The following CHP1 variants were observed in gnomAD, a reference collection of about 807,000 sequenced individuals.
CHP1 encodes calcineurin like EF-hand protein 1, also known as calcineurin B homologous protein 1.
A neutral mutation model predicts 27.4 loss-of-function variants in CHP1; 11 were observed. That is an observed-to-expected ratio of 0.40 (90% CI 0.25 to 0.67). The LOEUF (loss-of-function observed/expected upper bound fraction) is 0.67, where lower values mean the gene tolerates loss of function less well. Ranked by LOEUF, CHP1 falls within the 30% of genes least tolerant of loss-of-function variation. The pLI is 0.38. For synonymous variants in CHP1, 89 were observed against 87.4 expected (o/e 1.02, Z -0.10); for missense variants, 169 against 251.3 (o/e 0.67, Z 2.22).
intron 5 of CHP1, 116 bp from the exon 6 acceptor site, chr15:41,278,651 A>C: frequency 8.1e-7 from 1 of 1,231,422 alleles, no homozygotes; most frequent in East Asian, 2.4e-5. Context: ...GCAGTGCATG[A>C]CTGTATTTGA....
At chr15:41,249,233 GCAGTGGCAC>G (rs1392860511) in intron 2 of CHP1, among the ~76,000 whole-genome samples, 1 of 152,024 alleles carries the variant, frequency 6.6e-6, no homozygotes, top group Non-Finnish European at 1.5e-5. Flanking sequence ...AGGCTTGATT[GCAGTGGCAC>G]CATCACGGCT....
At chr15:41,240,753 CAAAAAAAAAAAAA>C (rs750044405) in intron 1 of CHP1, among the ~76,000 whole-genome samples, 1 of 54,170 alleles carries the variant, frequency 1.8e-5, no homozygotes, top group Non-Finnish European at 4.1e-5. Context: ...AACTCTATCT[CAAAAAAAAAAAAA>C]AAAAAAAGAT....
At chr15:41,274,952 G>A (rs140623096) in intron 5 of CHP1, among the ~76,000 whole-genome samples, 255 of 151,672 alleles carry the variant, frequency 1.7e-3, no homozygotes, top group African/African-American at 5.5e-3. Context: ...TACCATGCCC[G>A]GCTAATTTTT....
intron 2 of CHP1, chr15:41,256,597 T>C (rs1191340718): frequency 9.3e-6 from 3 of 324,262 alleles, no homozygotes; most frequent in Non-Finnish European, 1.7e-5. Flanking sequence ...TACGCAATGC[T>C]AATGTTCAAG....
intron 3 of CHP1, among the ~76,000 whole-genome samples, chr15:41,262,179 G>T (rs780849126): frequency 6.6e-6 from 1 of 151,328 alleles, no homozygotes; most frequent in East Asian, 1.9e-4. Flanking sequence ...AATAAATAAA[G>T]CAAGACTTTA....
chr15:41,272,775 G>A (rs564307504), intron 5 of CHP1, among the ~76,000 whole-genome samples: 4 of 152,210 alleles, frequency 2.6e-5, no homozygotes, highest in South Asian at 2.1e-4. Flanking sequence ...GGGGCCAGGC[G>A]CAGTGGCTCA....
At position 41,278,811 on chromosome 15, in the gene CHP1, G is replaced by A; in HGVS notation, c.456G>A (p.Leu152=). 6.2e-7 allele frequency: 1 copy of A among 1,614,152 alleles called. No individual in the cohort carries two copies. Among genetic ancestry groups the A allele is most frequent in the Non-Finnish European group, 8.5e-7 (1 of 1,180,014 alleles). Residue 152 remains leucine, a synonymous_variant, in exon 6 of 7, where the codon CTG becomes CTA. Transcript: ENST00000334660. The part of the protein sequence containing the change: ...MVGVNISDEQ[L]GSIADRTIQE... ...GAGTAAATATCTCAGATGAGCAGCT[G>A]GGCAGCATCGCAGACAGGACCATTC... is the stretch of plus-strand genomic sequence containing the variant.
At chr15:41,278,550 T>A (rs1416195395) in intron 5 of CHP1, among the ~76,000 whole-genome samples, 2 of 152,152 alleles carry the variant, frequency 1.3e-5, no homozygotes, top group East Asian at 3.9e-4. Flanking sequence ...TTCCCCTTTT[T>A]GTGTCTATGT....
intron 1 of CHP1, 85 bp downstream of exon 1, chr15:41,231,534 G>C: frequency 4.4e-6 from 6 of 1,353,188 alleles, no homozygotes; most frequent in Middle Eastern, 1.9e-4. Context: ...TCTGGAGCTC[G>C]GGTGCCTGTG....
At chr15:41,264,637 G>A (rs182509407) in intron 4 of CHP1, among the ~76,000 whole-genome samples, 4 of 152,176 alleles carry the variant, frequency 2.6e-5, no homozygotes, top group Admixed American at 1.3e-4. Flanking sequence ...TAGGGACAGG[G>A]TCTCACTATG....
At chr15:41,271,852 T>C (rs143693473) in intron 5 of CHP1, among the ~76,000 whole-genome samples, 1 of 152,362 alleles carries the variant, frequency 6.6e-6, no homozygotes, top group Non-Finnish European at 1.5e-5. Context: ...GAGAAGCGTT[T>C]ATTTTCTTGA....
chr15:41,244,250 T>C (rs1043875427), intron 2 of CHP1, among the ~76,000 whole-genome samples: 2 of 151,732 alleles, frequency 1.3e-5, no homozygotes, highest in Non-Finnish European at 2.9e-5. Flanking sequence ...TTAACAGATG[T>C]GTGTTGCTTT....
At chr15:41,270,664 T>C (rs375708824) in intron 5 of CHP1, 46 bp downstream of exon 5, 16 of 1,409,646 alleles carry the variant, frequency 1.1e-5, no homozygotes, top group Admixed American at 8.4e-5. Flanking sequence ...CTCTGCCTGC[T>C]TATTAGTGTG....
At chr15:41,233,369 C>A (rs1044574629) in intron 1 of CHP1, among the ~76,000 whole-genome samples, 16 of 152,030 alleles carry the variant, frequency 1.1e-4, no homozygotes, top group Admixed American at 3.3e-4. Context: ...AGCAGTAATC[C>A]CATTCTGGTT....
At chr15:41,251,317 C>T (rs1408183484) in intron 2 of CHP1, among the ~76,000 whole-genome samples, 2 of 152,168 alleles carry the variant, frequency 1.3e-5, no homozygotes, top group African/African-American at 2.4e-5. Context: ...GCTCCCCTCC[C>T]CAAAGGGTAA....
chr15:41,270,058 C>G (rs2047480833), intron 4 of CHP1, among the ~76,000 whole-genome samples: 1 of 152,106 alleles, frequency 6.6e-6, no homozygotes, highest in Admixed American at 6.6e-5. Flanking sequence ...TTATTTGAAA[C>G]TCAATTTCTT....
At chr15:41,266,797 C>T (rs12913543) in intron 4 of CHP1, among the ~76,000 whole-genome samples, 2,996 of 152,108 alleles carry the variant, frequency 0.02, 46 homozygotes, top group South Asian at 0.036. Context: ...ATCAGAAGTT[C>T]GAGACCAGCC....
chr15:41,256,963 G>A lies in CHP1; in HGVS notation c.194G>A (p.Arg65Gln). 2.5e-6 allele frequency: 4 copies of A among 1,613,976 alleles called. No homozygotes were observed. Among genetic ancestry groups the A allele is most frequent in the Admixed American group, 1.7e-5 (1 of 59,996 alleles). ...CTTGCCATCAACCCACTGGGGGACC[G>A]GATCATCAATGCCTTCTTTCCAGAG... is the stretch of plus-strand genomic sequence containing the variant. Reference protein sequence around the residue: ...PELAINPLGDRIINAFFPEGE... With the variant: ...PELAINPLGDQIINAFFPEGE... Residue 65 changes from arginine (R) to glutamine (Q), a missense_variant, in exon 3 of 7, where the codon CGG becomes CAG. Arg to Gln is a conservative substitution (Grantham distance 43). Transcript: ENST00000334660.
At chr15:41,236,600 A>C (rs544098062) in intron 1 of CHP1, among the ~76,000 whole-genome samples, 1 of 152,250 alleles carries the variant, frequency 6.6e-6, no homozygotes, top group African/African-American at 2.4e-5. Flanking sequence ...GGTCCAGACC[A>C]GAGAGTAGTT....
Sources: allele counts gnomAD v4.1 joint callset (sites outside exome capture counted in the v4.1 genomes callset), GRCh38; gene constraint gnomAD v4.1.1; transcripts MANE v1.5; gene names NCBI Gene and HGNC (gene_info 2026-07-23, HGNC 2026-07-21).